NR1I2: variants seen among roughly 807,000 people sequenced by gnomAD.
NR1I2 encodes nuclear receptor subfamily 1 group I member 2, also known as orphan nuclear receptor PAR1.
In NR1I2, 42 loss-of-function variants were observed where a neutral mutation model predicts 43.3. The ratio of observed to expected loss-of-function variants is 0.97; its 90% CI spans 0.76 to 1.26. The LOEUF (loss-of-function observed/expected upper bound fraction) is 1.26. NR1I2 is among the 50% of genes most tolerant of loss of function. NR1I2 has a pLI of 0.00. For missense variants in NR1I2, 559 were observed against 566.7 expected, an observed-to-expected ratio of 0.99 and a Z score of 0.14; for synonymous variants, 229 against 215.0, an observed-to-expected ratio of 1.06 and a Z score of -0.57.
At chr3:119,812,376 G>A (rs576239835) in intron 4 of NR1I2, among the ~76,000 whole-genome samples, 3 of 152,248 alleles carry the variant, frequency 2.0e-5, no homozygotes, top group Non-Finnish European at 4.4e-5. Flanking sequence ...CATCTGGAAT[G>A]CTTGGGATGA....
Position 119,815,439 on chromosome 3 carries a change from G to C in NR1I2, c.1054G>C (p.Asp352His). The change falls in exon 7 of 9, where the codon GAC becomes CAC. Residue 352 changes from aspartate to histidine, a missense_variant and splice_region_variant. Asp to His is a moderately conservative substitution (Grantham distance 81). This residue lies in a region of NR1I2 where 323 missense variants were observed against 312.2 expected (regional missense o/e 1.03). Coordinates refer to ENST00000393716, the MANE Select transcript of NR1I2 (RefSeq NM_003889.4). ...GCAGGCCATCTCCCTCTTCTCCCCAGGTGAGGATCTCCCCTAGGCTGCCTG... is the reference window on the plus strand; with the variant it reads ...GCAGGCCATCTCCCTCTTCTCCCCACGTGAGGATCTCCCCTAGGCTGCCTG... The C allele has an allele frequency of 6.2e-7, 1 of 1,610,156 alleles. No homozygotes were observed. The highest frequency in any genetic ancestry group is 8.5e-7 in the Non-Finnish European group (1 of 1,177,828).
intron 1 of NR1I2, among the ~76,000 whole-genome samples, chr3:119,800,617 G>A (rs6772976): frequency 0.24 from 35,821 of 151,982 alleles, 5,148 homozygotes; most frequent in East Asian, 0.36. Flanking sequence ...TGGAGAATGC[G>A]GTCTTGCTGT....
chr3:119,793,989 TTTTGTA>T (rs1232041713), intron 1 of NR1I2, among the ~76,000 whole-genome samples: 3 of 152,206 alleles, frequency 2.0e-5, no homozygotes, highest in Non-Finnish European at 4.4e-5. Context: ...CGGTACATAA[TTTTGTA>T]TTTGTAATTG....
chr3:119,811,667 C>G lies in NR1I2; in HGVS notation c.460C>G (p.Leu154Val). 6.2e-7 allele frequency: 1 copy of G among 1,613,874 alleles called. No individual in the cohort carries two copies. Among genetic ancestry groups the G allele is most frequent in the Non-Finnish European group, 8.5e-7 (1 of 1,179,902 alleles). Residue 154 changes from leucine (L) to valine (V), a missense_variant, in exon 4 of 9, where the codon CTG becomes GTG. This residue lies in a region of NR1I2 where 232 missense variants were observed against 236.6 expected (regional missense o/e 0.98). Transcript: ENST00000393716. ...GGAGCAGCGGATGATGATCAGGGAGCTGATGGACGCTCAGATGAAAACCTT... is the reference window on the plus strand; with the variant it reads ...GGAGCAGCGGATGATGATCAGGGAGGTGATGGACGCTCAGATGAAAACCTT...
intron 2 of NR1I2, among the ~76,000 whole-genome samples, chr3:119,809,558 CG>C (rs1305501325): frequency 5.6e-4 from 5 of 8,880 alleles, no homozygotes; most frequent in South Asian, 2.3e-3. Flanking sequence ...GGGGGGAAGG[CG>C]GGGGGGAAGG....
At chr3:119,797,849 T>C (rs6775566) in intron 1 of NR1I2, among the ~76,000 whole-genome samples, 13,552 of 152,246 alleles carry the variant, frequency 0.089, 1,353 homozygotes, top group African/African-American at 0.25. Context: ...TATTTTGCCT[T>C]TACAATAGAA....
chr3:119,796,177 A>G lies in NR1I2; in HGVS notation c.-22-11052A>G, dbSNP rs532480102. Among the ~76,000 whole-genome samples the G allele has an allele frequency of 2.0e-5, 3 of 152,286 alleles. No homozygotes were observed. The South Asian group carries it at 6.2e-4, about 32-fold the overall frequency. On this transcript the variant is annotated intron_variant, in intron 1 of 8. Transcript: ENST00000393716. ...AGTTTGTAGTTGTGATCTACCCTGT[A>G]CCACTGAGTCATCTCAAATCACTTA...
At position 119,782,976 on chromosome 3, in the gene NR1I2, A is replaced by G. The variant is rs1178654195; in HGVS notation, c.-23+676A>G. 5 of 806,604 alleles carry G rather than the reference A, an allele frequency of 6.2e-6. No individual in the cohort carries two copies. The Admixed American group carries it at 1.0e-4, about 16-fold the overall frequency. 50.0% of individuals were successfully genotyped at this position (806,604 alleles called of 1,614,324 possible). A position where few individuals can be genotyped will look rare whatever the true frequency, so the allele number is the denominator to read the frequency against. ...TTTACAGCCCAGCTCGGCTGAAGCT[A>G]TGGCCAGAGGCACTGCTTTAAGGCC... is the stretch of plus-strand genomic sequence containing the variant. On this transcript the variant is annotated intron_variant, in intron 1 of 8. Coordinates refer to ENST00000393716, the MANE Select transcript of NR1I2 (RefSeq NM_003889.4).
Position 119,792,264 on chromosome 3 carries a change from CAGGTG to C in NR1I2, c.-23+9967_-23+9971del, listed in dbSNP as rs1577270878. The C allele has an allele frequency of 1.9e-6, 3 of 1,541,006 alleles. No homozygotes were observed. The East Asian group carries it at 6.8e-5, about 35-fold the overall frequency. On this transcript the variant is annotated intron_variant, in intron 1 of 8. Coordinates refer to ENST00000393716, the MANE Select transcript of NR1I2 (RefSeq NM_003889.4). ...CACCCAGAGAGAACTGGTCTCCAGG[CAGGTG>C]AGCGACGACCTTATGGAGCGAGCAG... is the stretch of plus-strand genomic sequence containing the variant.
At chr3:119,807,092 T>A in intron 1 of NR1I2, 137 bp from the exon 2 acceptor site, 1 of 751,124 alleles carries the variant, frequency 1.3e-6, no homozygotes, top group Non-Finnish European at 2.3e-6. Flanking sequence ...TCCCCGCTTT[T>A]TTTCCCCATG....
intron 1 of NR1I2, among the ~76,000 whole-genome samples, chr3:119,805,098 T>G (rs1261219226): frequency 6.6e-6 from 1 of 152,212 alleles, no homozygotes; most frequent in African/African-American, 2.4e-5. Flanking sequence ...TACAGTAAAT[T>G]TTTATTCATT....
intron 1 of NR1I2, among the ~76,000 whole-genome samples, chr3:119,789,197 G>C (rs2054884413): frequency 1.3e-5 from 2 of 152,196 alleles, no homozygotes; most frequent in South Asian, 4.1e-4. Context: ...ATGTAGTTCA[G>C]AACTCAGGTT....
chr3:119,818,376 ATTATACT>A lies in NR1I2; in HGVS notation c.*1170_*1176del. On this transcript the variant is annotated 3_prime_UTR_variant, in exon 9 of 9. Transcript: ENST00000393716. The stretch of plus-strand genomic sequence containing the variant: ...TAAAAATTTTTTTGCATTTTCACAA[ATTATACT>A]TTATATAAGGCATTCCACACCTAAG... 1.0e-6 allele frequency: 1 copy of A among 985,382 alleles called. No individual in the cohort carries two copies. The highest frequency in any genetic ancestry group is 1.2e-6 in the Non-Finnish European group (1 of 829,892). The allele number at this position is 985,382 out of a possible 1,614,324, so 61.0% of individuals were successfully genotyped here.
intron 2 of NR1I2, among the ~76,000 whole-genome samples, chr3:119,807,754 A>G (rs1457849000): frequency 6.6e-6 from 1 of 152,244 alleles, no homozygotes; most frequent in East Asian, 1.9e-4. Flanking sequence ...CCAAGTGTTC[A>G]CATCCGCCTT....
chr3:119,811,906 A>G (rs2055249059), intron 4 of NR1I2, among the ~76,000 whole-genome samples, 180 bp downstream of exon 4: 1 of 152,124 alleles, frequency 6.6e-6, no homozygotes, highest in South Asian at 2.1e-4. Flanking sequence ...CTCATTCCCA[A>G]AGGTTCTGAA....
Position 119,817,119 on chromosome 3 carries a change from T to C in NR1I2, c.1212T>C (p.Asn404=), listed in dbSNP as rs762311627. The C allele has an allele frequency of 6.2e-7, 1 of 1,614,196 alleles. No individual in the cohort carries two copies. The highest frequency in any genetic ancestry group is 2.2e-5 in the East Asian group (1 of 44,880). Reference sequence around the variant, plus strand: ...TGCTCACCGAGCTCCGCAGCATCAATGCTCAGCACACCCAGCGGCTGCTGC... The same window carrying C: ...TGCTCACCGAGCTCCGCAGCATCAACGCTCAGCACACCCAGCGGCTGCTGC... The change falls in exon 9 of 9, where the codon AAT becomes AAC. Residue 404 remains asparagine (N), a synonymous_variant. Transcript: ENST00000393716.
intron 7 of NR1I2, 104 bp from the exon 8 acceptor site, chr3:119,815,622 T>A: frequency 9.0e-7 from 1 of 1,114,250 alleles, no homozygotes; most frequent in Non-Finnish European, 1.3e-6. Context: ...CCTGCCTGGG[T>A]GACTCCAGCT....
At chr3:119,787,974 C>G (rs1283718516) in intron 1 of NR1I2, among the ~76,000 whole-genome samples, 3 of 152,078 alleles carry the variant, frequency 2.0e-5, no homozygotes, top group Non-Finnish European at 4.4e-5. Context: ...CTCTTCTCTT[C>G]CCATAATCTC....
At chr3:119,801,422 C>G (rs1577277194) in intron 1 of NR1I2, among the ~76,000 whole-genome samples, 1 of 152,202 alleles carries the variant, frequency 6.6e-6, no homozygotes, top group Non-Finnish European at 1.5e-5. Flanking sequence ...TCTAATTGGT[C>G]TCCCTAAATT....
Sources: allele counts gnomAD v4.1 joint callset (sites outside exome capture counted in the v4.1 genomes callset), GRCh38; gene constraint gnomAD v4.1.1; regional missense constraint gnomAD v4.1.1; transcripts MANE v1.5; gene names NCBI Gene and HGNC (gene_info 2026-07-23, HGNC 2026-07-21).